DNAJB4: variants seen among roughly 807,000 people sequenced by gnomAD.
DNAJB4 encodes DnaJ heat shock protein family (Hsp40) member B4.
A neutral mutation model predicts 26.6 loss-of-function variants in DNAJB4; 10 were observed. The ratio of observed to expected loss-of-function variants is 0.38; its 90% CI spans 0.23 to 0.64. The LOEUF is 0.64. Among genes scored for constraint, DNAJB4 ranks in the 30% least tolerant of loss-of-function variants. The probability of loss-of-function intolerance (pLI) is 0.58; values close to 1 mark genes in which losing one functional copy is unlikely to be tolerated. For missense variants in DNAJB4, 328 were observed against 408.2 expected, an observed-to-expected ratio of 0.80 and a Z score of 1.69; for synonymous variants, 136 against 134.8, an observed-to-expected ratio of 1.01 and a Z score of -0.06.
At chr1:77,979,533 G>A (rs1241000834), upstream of DNAJB4, 2 of 153,258 alleles carry the variant, frequency 1.3e-5, no homozygotes, top group Non-Finnish European at 2.9e-5. Flanking sequence ...CCCGGAGGGC[G>A]CCAGGAGAAG....
chr1:77,990,186 G>A (rs781294828), intron 1 of DNAJB4, among the ~76,000 whole-genome samples: 10 of 152,160 alleles, frequency 6.6e-5, no homozygotes, highest in South Asian at 2.1e-4. Flanking sequence ...AGTGTCTGCC[G>A]TAGCATTCTC....
At chr1:77,991,376 G>T (rs187219900) in intron 1 of DNAJB4, among the ~76,000 whole-genome samples, 1 of 152,154 alleles carries the variant, frequency 6.6e-6, no homozygotes, top group Admixed American at 6.5e-5. Context: ...AAATGTATTT[G>T]TAACCCCAAA....
At chr1:78,008,092 T>C (rs961885256) in intron 1 of DNAJB4, among the ~76,000 whole-genome samples, 13 of 152,226 alleles carry the variant, frequency 8.5e-5, no homozygotes, top group Admixed American at 7.9e-4. Flanking sequence ...AGGTGGCATA[T>C]GCCTGTAGTC....
At chr1:77,999,836 TTTA>T (rs1346785808) in intron 1 of DNAJB4, among the ~76,000 whole-genome samples, 3 of 152,104 alleles carry the variant, frequency 2.0e-5, no homozygotes, top group African/African-American at 7.3e-5. Flanking sequence ...TTTTTAAGTC[TTTA>T]TTCTTTTGTA....
rs760377085 is a variant in DNAJB4 at position 78,005,153 on chromosome 1, G to A, written c.43G>A (p.Ala15Thr). ...TTGCATTTTGGGAATTGAGAAAGGA[G>A]CTTCAGATGAAGATATTAAAAAGGC... ...YYCILGIEKG[A>T]SDEDIKKAYR... Residue 15 changes from alanine to threonine, a missense_variant, in exon 1 of 3, where the codon GCT (alanine) becomes ACT (threonine). Physicochemically the swap from Ala to Thr is moderately conservative, Grantham distance 58. Transcript: ENST00000370763. 6.2e-7 allele frequency: 1 copy of A among 1,614,088 alleles called. No individual in the cohort carries two copies. The highest frequency in any genetic ancestry group is 8.5e-7 in the Non-Finnish European group (1 of 1,179,986).
intron 1 of DNAJB4, among the ~76,000 whole-genome samples, chr1:77,993,701 G>C (rs1378800916): frequency 6.6e-6 from 1 of 152,078 alleles, no homozygotes; most frequent in African/African-American, 2.4e-5. Flanking sequence ...TAGCACAGTG[G>C]GGTCTCAGTA....
chr1:77,980,687 T>C (rs1421125553), intron 1 of DNAJB4, among the ~76,000 whole-genome samples: 1 of 152,212 alleles, frequency 6.6e-6, no homozygotes, highest in Admixed American at 6.5e-5. Flanking sequence ...GTGAGAAATA[T>C]ATATATGCTG....
intron 1 of DNAJB4, 39 bp downstream of exon 1, chr1:78,005,360 T>A: frequency 7.1e-7 from 1 of 1,400,102 alleles, no homozygotes; most frequent in Admixed American, 3.0e-5. Flanking sequence ...TCTTCAGCTC[T>A]GTCTCTTTTT....
intron 1 of DNAJB4, among the ~76,000 whole-genome samples, chr1:78,012,159 C>CTTTTTTTTTTTTTTTT (rs1270987929): frequency 1.1e-4 from 10 of 88,806 alleles, no homozygotes; most frequent in East Asian, 7.8e-4. Flanking sequence ...CTTTTCTTTT[C>CTTTTTTTTTTTTTTTT]TTTTTTTTTT....
chr1:77,992,422 A>AAG (rs1659953915), intron 1 of DNAJB4, among the ~76,000 whole-genome samples: 1 of 149,752 alleles, frequency 6.7e-6, no homozygotes, highest in Non-Finnish European at 1.5e-5. Context: ...CAAAAAAAAA[A>AAG]AAAAAAAAAA....
intron 1 of DNAJB4, among the ~76,000 whole-genome samples, chr1:77,989,533 A>G (rs1255613580): frequency 2.6e-5 from 4 of 152,202 alleles, no homozygotes; most frequent in African/African-American, 9.6e-5. Context: ...ATTCTGAGAG[A>G]CTAAATGAGG....
At chr1:78,009,846 G>A (rs1660422549) in intron 1 of DNAJB4, among the ~76,000 whole-genome samples, 1 of 152,046 alleles carries the variant, frequency 6.6e-6, no homozygotes, top group South Asian at 2.1e-4. Flanking sequence ...GGCTGATCTC[G>A]AACTCCAGAC....
Position 78,012,237 on chromosome 1 carries a change from G to A in DNAJB4, c.212-814G>A, listed in dbSNP as rs549681508. 2.5e-3 allele frequency among the ~76,000 whole-genome samples: 329 copies of A among 131,074 alleles called. 1 individual carries two copies. Among genetic ancestry groups the A allele is most frequent in the Admixed American group, 4.9e-3 (53 of 10,830 alleles). 86.0% of individuals were successfully genotyped at this position (131,074 alleles called of 152,430 possible). A position where few individuals can be genotyped will look rare whatever the true frequency, so the allele number is the denominator to read the frequency against. On this transcript the variant is annotated intron_variant, in intron 1 of 2. Coordinates refer to ENST00000370763, the MANE Select transcript of DNAJB4 (RefSeq NM_007034.5). ...GTGTGCAGTGGTGCGATCTCAGCTC[G>A]CTGCAACTTCTGCCTCCCAGGTTCA...
chr1:77,990,428 A>G (rs1411335995), intron 1 of DNAJB4, among the ~76,000 whole-genome samples: 1 of 152,218 alleles, frequency 6.6e-6, no homozygotes, highest in Non-Finnish European at 1.5e-5. Context: ...ATCCACGTTC[A>G]ATTCAAATGA....
At chr1:78,013,743 A>C in intron 2 of DNAJB4, 124 bp downstream of exon 2, 2 of 774,760 alleles carry the variant, frequency 2.6e-6, no homozygotes, top group South Asian at 4.0e-5. Flanking sequence ...TTACTATAAA[A>C]ATCCTCTAAG....
upstream of DNAJB4, among the ~76,000 whole-genome samples, chr1:77,979,795 A>G (rs1659455437): frequency 1.3e-5 from 2 of 152,194 alleles, no homozygotes; most frequent in African/African-American, 4.8e-5. Context: ...CTTTATCCAA[A>G]AACGTGATTG....
chr1:77,983,286 G>A (rs1482098819), intron 1 of DNAJB4, among the ~76,000 whole-genome samples: 1 of 152,212 alleles, frequency 6.6e-6, no homozygotes, highest in Non-Finnish European at 1.5e-5. Context: ...TCAGTAGATG[G>A]AACATACAAT....
At chr1:77,979,864 C>T (rs1008417407), upstream of DNAJB4, among the ~76,000 whole-genome samples, 1 of 150,906 alleles carries the variant, frequency 6.6e-6, no homozygotes, top group Non-Finnish European at 1.5e-5. Flanking sequence ...TGTCCATGGC[C>T]ATTTTTATTA....
intron 1 of DNAJB4, among the ~76,000 whole-genome samples, chr1:78,007,347 C>T (rs1660354835): frequency 6.6e-6 from 1 of 151,966 alleles, no homozygotes; most frequent in Admixed American, 6.6e-5. Context: ...TTTGGGAGGC[C>T]GAGACAGGCG....
Sources: allele counts gnomAD v4.1 joint callset (sites outside exome capture counted in the v4.1 genomes callset), GRCh38; gene constraint gnomAD v4.1.1; transcripts MANE v1.5; gene names NCBI Gene and HGNC (gene_info 2026-07-23, HGNC 2026-07-21).